The following FBXO31 variants were observed in gnomAD, a reference collection of about 807,000 sequenced individuals.
FBXO31 encodes the protein F-box only protein 31.
FBXO31 carries 24 observed loss-of-function variants against 54.4 expected under a neutral mutation model. That is an observed-to-expected ratio of 0.44 (90% CI 0.32 to 0.62). The LOEUF is 0.62. Among genes scored for constraint, FBXO31 ranks in the 20% least tolerant of loss-of-function variants. The pLI, the probability that FBXO31 is intolerant of heterozygous loss-of-function variation, is 0.05. For missense variants in FBXO31, 665 were observed against 787.1 expected (o/e 0.84, Z 1.86); for synonymous variants, 388 against 335.6 (o/e 1.16, Z -1.71).
In FBXO31 at chr16:87,328,299, G is replaced by C. The variant is rs1453146935; in HGVS notation, c.*2989C>G. The C allele has an allele frequency of 2.6e-5, 4 of 152,460 alleles. No homozygotes were observed. The highest frequency in any genetic ancestry group is 9.6e-5 in the African/African-American group (4 of 41,482). The allele number at this position is 152,460 out of a possible 1,614,324, so 9.4% of individuals were successfully genotyped here. A position where few individuals can be genotyped will look rare whatever the true frequency, so the allele number is the denominator to read the frequency against. On this transcript the variant is annotated 3_prime_UTR_variant, in exon 9 of 9. Coordinates refer to ENST00000311635, the MANE Select transcript of FBXO31 (RefSeq NM_024735.5). ...GAGCGGCCAGCAGGGCATGTGGCTA[G>C]AGGAAGGACATGGCCACCCACCCCT...
At chr16:87,350,949 G>A (rs117696327) in intron 2 of FBXO31, among the ~76,000 whole-genome samples, 3,165 of 152,322 alleles carry the variant, frequency 0.021, 71 homozygotes, top group Middle Eastern at 0.044. Flanking sequence ...GAAGCTCTGC[G>A]TGTTGGTCAA....
intron 5 of FBXO31, among the ~76,000 whole-genome samples, chr16:87,340,397 G>A (rs999269819): frequency 1.3e-5 from 2 of 152,220 alleles, no homozygotes; most frequent in Admixed American, 1.3e-4. Flanking sequence ...GGGTAACCTA[G>A]GACAAAAGCA....
Position 87,345,260 on chromosome 16 carries a change from AGCTCAACAAAGTCAGGGCGGG to A in FBXO31, c.490-1516_490-1496del, listed in dbSNP as rs1905334737. On this transcript the variant is annotated intron_variant, in intron 3 of 8. Coordinates refer to ENST00000311635, the MANE Select transcript of FBXO31 (RefSeq NM_024735.5). This position sits in a 1 kb window ranked among gnomAD's most constrained non-coding sequence, Gnocchi z 4.9. ...CCTCAGGGGCCAGCTGCCTGCCCAGAGCTCAACAAAGTCAGGGCGGGGCTTTCCGGAAAGTTCAAGAGGCTC... is the reference window on the plus strand; with the variant it reads ...CCTCAGGGGCCAGCTGCCTGCCCAGAGCTTTCCGGAAAGTTCAAGAGGCTC... 6.6e-6 allele frequency among the ~76,000 whole-genome samples: 1 copy of A among 151,386 alleles called. No homozygotes were observed. Among genetic ancestry groups the A allele is most frequent in the Non-Finnish European group, 1.5e-5 (1 of 67,864 alleles).
intron 1 of FBXO31, among the ~76,000 whole-genome samples, chr16:87,389,362 C>T (rs1907436334): frequency 6.6e-6 from 1 of 152,150 alleles, no homozygotes; most frequent in Non-Finnish European, 1.5e-5. Context: ...CAAAAACACG[C>T]AGAGTAACCC....
Position 87,371,770 on chromosome 16 carries a change from A to G in FBXO31, c.341-11404T>C, listed in dbSNP as rs530164048. On this transcript the variant is annotated intron_variant, in intron 1 of 8. Coordinates refer to ENST00000311635, the MANE Select transcript of FBXO31 (RefSeq NM_024735.5). ...TTACAAACAGGATCAGTGAGCGCGC[A>G]GCGCCAGGACCTCTAGCAACCAATT... Among the ~76,000 whole-genome samples the G allele has an allele frequency of 5.9e-5, 9 of 152,358 alleles. No homozygotes were observed. In the South Asian group the frequency reaches 1.9e-3, roughly 32 times the overall value.
upstream of FBXO31, among the ~76,000 whole-genome samples, chr16:87,385,137 A>G (rs1414568953): frequency 6.7e-6 from 1 of 149,742 alleles, no homozygotes; most frequent in East Asian, 2.0e-4. Flanking sequence ...CTACCCACAT[A>G]GTGAGACGCC....
chr16:87,339,611 G>A lies in FBXO31; in HGVS notation c.732+3266C>T, dbSNP rs550589970. ...TGGCACCCTCACCCTGTCAACTCCC[G>A]GAGGGGGAGCTCAGAAGCGGGACGA... is the stretch of plus-strand genomic sequence containing the variant. On this transcript the variant is annotated intron_variant, in intron 5 of 8. Transcript: ENST00000311635. 1.1e-4 allele frequency among the ~76,000 whole-genome samples: 17 copies of A among 152,350 alleles called. No homozygotes were observed. The East Asian group carries it at 2.5e-3, about 22-fold the overall frequency.
chr16:87,353,636 GC>G (rs1905763306), intron 2 of FBXO31, among the ~76,000 whole-genome samples: 1 of 152,120 alleles, frequency 6.6e-6, no homozygotes, highest in African/African-American at 2.4e-5. Flanking sequence ...AGGCAGCAGG[GC>G]CCCGGACACC....
chr16:87,381,256 A>G (rs1454920051), intron 1 of FBXO31, among the ~76,000 whole-genome samples: 1 of 152,228 alleles, frequency 6.6e-6, no homozygotes, highest in South Asian at 2.1e-4. Flanking sequence ...AGACACTCTA[A>G]GAGAAAAAGA....
Position 87,331,376 on chromosome 16 carries a change from C to T in FBXO31, c.1532G>A (p.Arg511Gln). The T allele has an allele frequency of 4.3e-6, 7 of 1,613,978 alleles. No homozygotes were observed. The highest frequency in any genetic ancestry group is 5.9e-6 in the Non-Finnish European group (7 of 1,180,034). ...LELKSFSLYS[R>Q]VQATFRNADA... The stretch of plus-strand genomic sequence containing the variant: ...TGCGTTCCGGAAGGTGGCCTGGACC[C>T]GGCTGTACAGGCTGAAGGATTTCAG... Residue 511 changes from arginine (R) to glutamine (Q), a missense_variant, in exon 9 of 9, where the codon CGG becomes CAG. Around this residue, in one of 4 missense-constraint regions of FBXO31, gnomAD observed 71 missense variants for 105.8 expected, o/e 0.67. Coordinates refer to ENST00000311635, the MANE Select transcript of FBXO31 (RefSeq NM_024735.5).
In FBXO31 at chr16:87,331,285, C is replaced by A; in HGVS notation, c.*3G>T. On this transcript the variant is annotated 3_prime_UTR_variant, in exon 9 of 9. Transcript: ENST00000311635. ...CGGGATGTGGCGGCAAGGATGTGGC[C>A]GGTCAGGAGGTGAGGGACTGAATGT... The A allele has an allele frequency of 6.2e-7, 1 of 1,612,150 alleles. No homozygotes were observed. Among genetic ancestry groups the A allele is most frequent in the Non-Finnish European group, 8.5e-7 (1 of 1,178,574 alleles).
chr16:87,382,775 G>C (rs531903006), intron 1 of FBXO31, among the ~76,000 whole-genome samples: 27 of 152,314 alleles, frequency 1.8e-4, no homozygotes, highest in African/African-American at 6.3e-4. Context: ...TGGGATTACA[G>C]GCGCCCGCTA....
At chr16:87,388,996 G>A (rs1907420964) in intron 1 of FBXO31, among the ~76,000 whole-genome samples, 1 of 152,076 alleles carries the variant, frequency 6.6e-6, no homozygotes, top group African/African-American at 2.4e-5. Flanking sequence ...TTACCACTCT[G>A]AATATTGTTC....
chr16:87,367,575 C>A (rs963906270), intron 1 of FBXO31: 1 of 152,236 alleles, frequency 6.6e-6, no homozygotes, highest in Non-Finnish European at 1.5e-5. Flanking sequence ...TTAGTTACTG[C>A]ATAATGAGAC....
intron 1 of FBXO31, among the ~76,000 whole-genome samples, chr16:87,375,106 T>C (rs1567488053): frequency 6.6e-6 from 1 of 152,016 alleles, no homozygotes; most frequent in South Asian, 2.1e-4. Context: ...ATCACAAGGT[T>C]AGGAGATCAA....
upstream of FBXO31, among the ~76,000 whole-genome samples, chr16:87,387,321 G>GT (rs1433063993): frequency 6.6e-6 from 1 of 152,136 alleles, no homozygotes; most frequent in Non-Finnish European, 1.5e-5. Context: ...AATAAGGAAG[G>GT]TGCGTGCATT....
At chr16:87,347,575 G>C (rs1455808634) in intron 2 of FBXO31, among the ~76,000 whole-genome samples, 1 of 151,650 alleles carries the variant, frequency 6.6e-6, no homozygotes, top group East Asian at 1.9e-4. Flanking sequence ...AGCTACTTGG[G>C]AGGCTGAGGC....
chr16:87,375,284 G>A (rs1473604997), intron 1 of FBXO31, among the ~76,000 whole-genome samples: 5 of 152,228 alleles, frequency 3.3e-5, no homozygotes, highest in East Asian at 3.9e-4. Context: ...TCCAGCCTGG[G>A]TGACAGAGCG....
intron 2 of FBXO31, among the ~76,000 whole-genome samples, chr16:87,353,479 C>CA (rs1304153894): frequency 2.0e-5 from 3 of 152,246 alleles, no homozygotes; most frequent in African/African-American, 7.2e-5. Flanking sequence ...AATGCTTGCG[C>CA]AGAAAGTGCC....
Sources: gnomAD v4.1 joint callset for allele counts (sites outside exome capture counted in the v4.1 genomes callset) on GRCh38, gnomAD v4.1.1 for gene constraint, gnomAD v4.1.1 regional missense constraint, Gnocchi (gnomAD v3.1) non-coding constraint, MANE v1.5 for transcripts, NCBI Gene and HGNC (gene_info 2026-07-23, HGNC 2026-07-21) for gene names.